ZNF558: variants seen among roughly 807,000 people sequenced by gnomAD.
The protein encoded by ZNF558 is zinc finger protein 558.
A neutral mutation model predicts 37.6 loss-of-function variants in ZNF558; 23 were observed. That is an observed-to-expected ratio of 0.61 (90% CI 0.44 to 0.87). ZNF558 has a LOEUF of 0.87. ZNF558 is among the 40% of genes least tolerant of loss of function. ZNF558 has a pLI of 0.00. For synonymous variants in ZNF558, 189 were observed against 174.4 expected (o/e 1.08, Z -0.66); for missense variants, 429 against 483.7 (o/e 0.89, Z 1.06).
At chr19:8,820,206 G>A (rs1382377134) in intron 7 of ZNF558, among the ~76,000 whole-genome samples, 1 of 152,192 alleles carries the variant, frequency 6.6e-6, no homozygotes, top group East Asian at 1.9e-4. Context: ...TGCAGCTGCT[G>A]TGGAAAAGTC....
At chr19:8,826,333 C>T (rs1459720134) in intron 2 of ZNF558, among the ~76,000 whole-genome samples, 1 of 151,914 alleles carries the variant, frequency 6.6e-6, no homozygotes, top group Non-Finnish European at 1.5e-5. Context: ...TATTATATTA[C>T]ACAGTAATAT....
intron 2 of ZNF558, among the ~76,000 whole-genome samples, chr19:8,828,872 A>C (rs2044288708): frequency 6.6e-6 from 1 of 151,976 alleles, no homozygotes; most frequent in Non-Finnish European, 1.5e-5. Flanking sequence ...CTGAGGCAGG[A>C]AAATCACTTG....
upstream of ZNF558, among the ~76,000 whole-genome samples, chr19:8,835,044 AAG>A (rs2145339800): frequency 6.6e-6 from 1 of 151,902 alleles, no homozygotes; most frequent in South Asian, 2.1e-4. Context: ...AAAGTGAACA[AAG>A]AGTTTTTTTT....
Position 8,807,387 on chromosome 19 carries a change from C to T in ZNF558, c.*3894G>A, listed in dbSNP as rs2043712007. ...TTATGAAAACTCTACTTGAATTGTC[C>T]TAGTCTGTGGGTGTCAACCTGAGTT... On this transcript the variant is annotated 3_prime_UTR_variant, in exon 10 of 10. Transcript: ENST00000601372. 6.6e-6 allele frequency: 1 copy of T among 152,220 alleles called. No individual in the cohort carries two copies. Among genetic ancestry groups the T allele is most frequent in the African/African-American group, 2.4e-5 (1 of 41,444 alleles). The allele number at this position is 152,220 out of a possible 1,614,324, so 9.4% of individuals were successfully genotyped here. A position where few individuals can be genotyped will look rare whatever the true frequency, so the allele number is the denominator to read the frequency against.
At chr19:8,823,621 C>T (rs1383671171) in intron 4 of ZNF558, 1 of 140,422 alleles carries the variant, frequency 7.1e-6, no homozygotes, top group African/African-American at 2.7e-5. Flanking sequence ...CAGCCCCTCT[C>T]CTACCTATGC....
At chr19:8,834,530 C>T (rs150225114), upstream of ZNF558, among the ~76,000 whole-genome samples, 10 of 151,630 alleles carry the variant, frequency 6.6e-5, no homozygotes, top group East Asian at 1.9e-3. Context: ...ATCGTTTGAA[C>T]CCAGGAGGTG....
At chr19:8,820,933 C>T (rs775328155) in intron 7 of ZNF558, among the ~76,000 whole-genome samples, 13 of 152,026 alleles carry the variant, frequency 8.6e-5, no homozygotes, top group Non-Finnish European at 1.3e-4. Context: ...GGGAAAGTAA[C>T]GGGTATTGGC....
upstream of ZNF558, among the ~76,000 whole-genome samples, chr19:8,834,741 C>T (rs1487447352): frequency 6.7e-6 from 1 of 149,862 alleles, no homozygotes; most frequent in Non-Finnish European, 1.5e-5. Flanking sequence ...AGATCATAGA[C>T]CTAAAGGTAA....
At chr19:8,827,749 T>A in intron 2 of ZNF558, among the ~76,000 whole-genome samples, 1 of 152,062 alleles carries the variant, frequency 6.6e-6, no homozygotes, top group East Asian at 1.9e-4. Context: ...AATTTTCGTA[T>A]TTTTAGTAGA....
chr19:8,818,407 G>A (rs1325891939), intron 7 of ZNF558, among the ~76,000 whole-genome samples: 4 of 152,032 alleles, frequency 2.6e-5, no homozygotes, highest in South Asian at 2.1e-4. Flanking sequence ...AGCCGAGATC[G>A]CACCACTGCA....
At position 8,809,501 on chromosome 19, in the gene ZNF558, T is replaced by C. The variant is rs1317207004; in HGVS notation, c.*1780A>G. ...GGAAAGAAACCAACAGTATTTGGCA[T>C]ACCAAGATAGAGAGAAAATAATCAG... On this transcript the variant is annotated 3_prime_UTR_variant, in exon 10 of 10. Transcript: ENST00000601372. 1 of 152,184 alleles carries C rather than the reference T, an allele frequency of 6.6e-6. No individual in the cohort carries two copies. The highest frequency in any genetic ancestry group is 1.5e-5 in the Non-Finnish European group (1 of 68,038). The allele number at this position is 152,184 out of a possible 1,614,324, so 9.4% of individuals were successfully genotyped here. A position where few individuals can be genotyped will look rare whatever the true frequency, so the allele number is the denominator to read the frequency against.
rs200950028 is a variant in ZNF558 at position 8,811,248 on chromosome 19, T to C, written c.*33A>G. On this transcript the variant is annotated 3_prime_UTR_variant, in exon 10 of 10. Transcript: ENST00000601372. ...AACTATCTTAGGGATGAAAGATCAA[T>C]GAGTGCTTTCCTCCAGAAGTTCCTG... The C allele has an allele frequency of 1.2e-4, 181 of 1,518,896 alleles. No homozygotes were observed. The African/African-American group carries it at 2.4e-3, about 21-fold the overall frequency. 94.1% of individuals were successfully genotyped at this position (1,518,896 alleles called of 1,614,324 possible). A position where few individuals can be genotyped will look rare whatever the true frequency, so the allele number is the denominator to read the frequency against.
intron 7 of ZNF558, among the ~76,000 whole-genome samples, chr19:8,816,368 C>T (rs979823735): frequency 6.6e-5 from 10 of 152,138 alleles, no homozygotes; most frequent in African/African-American, 1.7e-4. Context: ...CGGCATCAAA[C>T]ACATATTAAT....
intron 7 of ZNF558, among the ~76,000 whole-genome samples, chr19:8,814,892 T>C (rs1039508433): frequency 6.6e-6 from 1 of 152,226 alleles, no homozygotes; most frequent in African/African-American, 2.4e-5. Context: ...GTTTACAATA[T>C]ATGATATTCT....
rs1020176374 is a variant in ZNF558, at chr19:8,812,002, G to A, written c.488C>T (p.Thr163Met). Residue 163 changes from threonine (T) to methionine (M), a missense_variant, in exon 10 of 10, where the codon ACG becomes ATG. By Grantham distance (81) the Thr-to-Met change is moderately conservative (BLOSUM62 -1). Transcript: ENST00000601372. ...ECNQCFKVFS[T>M]KSNLTQHKRI... ...CTTGTGCTGAGTTAGGTTAGATTTC[G>A]TGCTGAAGACTTTAAAACACTGATT... 8 of 1,613,030 alleles carry A rather than the reference G, an allele frequency of 5.0e-6. No individual in the cohort carries two copies. Among genetic ancestry groups the A allele is most frequent in the Non-Finnish European group, 6.8e-6 (8 of 1,179,510 alleles).
At chr19:8,836,616 C>T (rs539483245), upstream of ZNF558, among the ~76,000 whole-genome samples, 5 of 152,146 alleles carry the variant, frequency 3.3e-5, no homozygotes, top group East Asian at 1.9e-4. Context: ...CTCAGCTTCC[C>T]GAGTAGCTGG....
In ZNF558 at chr19:8,809,718, T is replaced by TA. The variant is rs2043737898; in HGVS notation, c.*1562dup. On this transcript the variant is annotated 3_prime_UTR_variant, in exon 10 of 10. Coordinates refer to ENST00000601372, the MANE Select transcript of ZNF558 (RefSeq NM_144693.3). ...AATACATTGCATTAAAATTATGAAATATGTTAATGTTTATTTTAGGGAACA... is the reference window on the plus strand; with the variant it reads ...AATACATTGCATTAAAATTATGAAATAATGTTAATGTTTATTTTAGGGAACA... The TA allele has an allele frequency of 6.6e-6, 1 of 152,148 alleles. No homozygotes were observed. Among genetic ancestry groups the TA allele is most frequent in the African/African-American group, 2.4e-5 (1 of 41,434 alleles). 9.4% of individuals were successfully genotyped at this position (152,148 alleles called of 1,614,324 possible).
At position 8,822,154 on chromosome 19, in the gene ZNF558, G is replaced by GA; in HGVS notation, c.32-64dup. 4 of 1,598,278 alleles carry GA rather than the reference G, an allele frequency of 2.5e-6. No homozygotes were observed. The highest frequency in any genetic ancestry group is 1.7e-5 in the Admixed American group (1 of 58,152). On this transcript the variant is annotated intron_variant, in intron 5 of 9. Transcript: ENST00000601372. The surrounding 1 kb of genome is among the most constrained non-coding windows in gnomAD (Gnocchi z 4.4). ...GTCTGACACCCACAGATCTGCCCCTGATTGACCACACCCACCTCCCACACC... is the reference window on the plus strand; with the variant it reads ...GTCTGACACCCACAGATCTGCCCCTGAATTGACCACACCCACCTCCCACACC...
chr19:8,820,417 T>C (rs143958588), intron 7 of ZNF558, among the ~76,000 whole-genome samples: 2 of 152,346 alleles, frequency 1.3e-5, no homozygotes, highest in African/African-American at 4.8e-5. Flanking sequence ...GGTATGTCCA[T>C]ACAATGGAAT....
Sources: gnomAD v4.1 joint callset for allele counts (sites outside exome capture counted in the v4.1 genomes callset) on GRCh38, gnomAD v4.1.1 for gene constraint, Gnocchi (gnomAD v3.1) non-coding constraint, MANE v1.5 for transcripts, NCBI Gene and HGNC (gene_info 2026-07-23, HGNC 2026-07-21) for gene names.